The following DDX6 variants were observed in gnomAD, a reference collection of about 807,000 sequenced individuals.
The protein encoded by DDX6 is probable ATP-dependent RNA helicase DDX6.
DDX6 carries 7 observed loss-of-function variants against 60.6 expected under a neutral mutation model. The observed-to-expected ratio is 0.12, with a 90% CI of 0.07 to 0.22. The LOEUF (loss-of-function observed/expected upper bound fraction) is 0.22. DDX6 is among the 10% of genes least tolerant of loss of function. The pLI is 1.00. For missense variants in DDX6, 270 were observed against 589.9 expected (o/e 0.46, Z 5.62); for synonymous variants, 207 against 201.0 (o/e 1.03, Z -0.25).
At chr11:118,782,084 G>C (rs1433625287) in intron 2 of DDX6, among the ~76,000 whole-genome samples, 1 of 151,996 alleles carries the variant, frequency 6.6e-6, no homozygotes, top group Non-Finnish European at 1.5e-5. Context: ...ATGGTGGCAT[G>C]TGCCTGTAAT....
intron 10 of DDX6, 68 bp downstream of exon 10, chr11:118,757,101 AAG>A: frequency 1.2e-6 from 1 of 850,444 alleles, no homozygotes; most frequent in Non-Finnish European, 1.7e-6. Flanking sequence ...GGACATTTAA[AAG>A]AACATTAAAA....
At chr11:118,785,461 T>A (rs923742008) in intron 2 of DDX6, among the ~76,000 whole-genome samples, 1 of 151,528 alleles carries the variant, frequency 6.6e-6, no homozygotes, top group Non-Finnish European at 1.5e-5. Context: ...CACATTGGCC[T>A]CCCCAAAGTA....
intron 3 of DDX6, 74 bp from the exon 4 acceptor site, chr11:118,779,810 T>C (rs1305051756): frequency 3.4e-6 from 4 of 1,185,206 alleles, no homozygotes; most frequent in Non-Finnish European, 4.8e-6. Flanking sequence ...GGTAAATTTA[T>C]CTGTGTTTAA....
At chr11:118,764,037 C>T (rs926302046) in intron 6 of DDX6, among the ~76,000 whole-genome samples, 11 of 152,166 alleles carry the variant, frequency 7.2e-5, no homozygotes, top group African/African-American at 2.6e-4. Flanking sequence ...AGTAGGCATA[C>T]TTTCTTGTCT....
intron 4 of DDX6, among the ~76,000 whole-genome samples, chr11:118,769,552 T>C (rs905031806): frequency 1.3e-5 from 2 of 152,032 alleles, no homozygotes; most frequent in Admixed American, 6.6e-5. Flanking sequence ...AATAGACATA[T>C]ACAAAGAGAG....
intron 6 of DDX6, 107 bp downstream of exon 6, chr11:118,765,102 C>T (rs972636571): frequency 1.5e-6 from 2 of 1,298,844 alleles, no homozygotes; most frequent in South Asian, 1.4e-5. Context: ...TTTCTTACTG[C>T]AGTATTTCTG....
At chr11:118,782,690 C>T (rs1160789978) in intron 2 of DDX6, among the ~76,000 whole-genome samples, 1 of 148,712 alleles carries the variant, frequency 6.7e-6, no homozygotes. Context: ...GTCACCCAGG[C>T]TAGAGTGCAG....
rs184338362 is a variant in DDX6 at position 118,771,436 on chromosome 11, G to A, written c.370-3084C>T. On this transcript the variant is annotated intron_variant, in intron 4 of 13. Coordinates refer to ENST00000534980, the MANE Select transcript of DDX6 (RefSeq NM_004397.6). ...ACAAAGTACATGTGATAGACTGTAAGTTAAGACACCCTGATATTTTGCCTT... is the reference window on the plus strand; with the variant it reads ...ACAAAGTACATGTGATAGACTGTAAATTAAGACACCCTGATATTTTGCCTT... Among the ~76,000 whole-genome samples, 9 of 152,284 alleles carry A rather than the reference G, an allele frequency of 5.9e-5. No individual in the cohort carries two copies. The East Asian group carries it at 1.7e-3, about 29-fold the overall frequency.
At chr11:118,756,023 C>T (rs1352560784) in intron 11 of DDX6, among the ~76,000 whole-genome samples, 5 of 129,024 alleles carry the variant, frequency 3.9e-5, no homozygotes, top group Admixed American at 7.5e-5. Context: ...CCCTCCCCCC[C>T]CCCCCCAAAA....
Position 118,748,873 on chromosome 11 carries a change from C to T in DDX6, c.*3232G>A, listed in dbSNP as rs1240442994. The T allele has an allele frequency of 5.9e-5, 9 of 152,096 alleles. No homozygotes were observed. Among genetic ancestry groups the T allele is most frequent in the African/African-American group, 1.9e-4 (8 of 41,402 alleles). 9.4% of individuals were successfully genotyped at this position (152,096 alleles called of 1,614,324 possible). A position where few individuals can be genotyped will look rare whatever the true frequency, so the allele number is the denominator to read the frequency against. On this transcript the variant is annotated 3_prime_UTR_variant, in exon 14 of 14. Transcript: ENST00000534980. ...GCATGATGTTATCAAGCACAAAGCA[C>T]GTGGCAAAGGAAAGATGCTCCCATC... is the stretch of plus-strand genomic sequence containing the variant.
In DDX6 at chr11:118,789,440, A is replaced by T. The variant is rs181463526; in HGVS notation, c.-268+1658T>A. ...CGAGTGCTGATTCTTTCTGCCATAC[A>T]CCAAGGCATGTGAAACTCAAAATTT... On this transcript the variant is annotated intron_variant, in intron 1 of 13. Coordinates refer to ENST00000534980, the MANE Select transcript of DDX6 (RefSeq NM_004397.6). The T allele has an allele frequency of 5.3e-5, 8 of 152,196 alleles. No individual in the cohort carries two copies. The East Asian group carries it at 1.3e-3, about 26-fold the overall frequency. The allele number at this position is 152,196 out of a possible 1,614,324, so 9.4% of individuals were successfully genotyped here.
chr11:118,783,839 G>T (rs1591925066), intron 2 of DDX6, among the ~76,000 whole-genome samples: 1 of 82,302 alleles, frequency 1.2e-5, no homozygotes, highest in East Asian at 5.0e-4. Context: ...AAATAGGCTG[G>T]GCGCAGTGGC....
intron 2 of DDX6, among the ~76,000 whole-genome samples, chr11:118,782,200 G>A (rs1252772580): frequency 6.6e-6 from 1 of 152,070 alleles, no homozygotes; most frequent in African/African-American, 2.4e-5. Context: ...AACAAAATAG[G>A]TTAACAGTTA....
chr11:118,773,940 G>T (rs17122435), intron 4 of DDX6, among the ~76,000 whole-genome samples: 3 of 151,372 alleles, frequency 2.0e-5, no homozygotes, highest in African/African-American at 7.3e-5. Flanking sequence ...ATGATAAACC[G>T]ATTGTTAGCA....
chr11:118,757,323 A>G, intron 9 of DDX6, 36 bp from the exon 10 acceptor site: 2 of 1,225,454 alleles, frequency 1.6e-6, no homozygotes, highest in Non-Finnish European at 1.1e-6. Flanking sequence ...AGAAAAATAA[A>G]AAAAACCTTC....
chr11:118,788,316 AG>A (rs11366196), intron 1 of DDX6: 152,565 of 152,674 alleles, frequency 1, 76,228 homozygotes, highest in Middle Eastern at 1. Context: ...AAACAAACAA[AG>A]CAAACAAACA....
rs1555158525 is a variant in DDX6, at chr11:118,755,492, G to T, written c.1186C>A (p.Arg396=). 1.3e-6 allele frequency: 2 copies of T among 1,585,568 alleles called. No homozygotes were observed. The highest frequency in any genetic ancestry group is 1.7e-5 in the Admixed American group (1 of 59,064). Residue 396 remains arginine, a synonymous_variant, in exon 12 of 14, where the codon CGA becomes AGA. Transcript: ENST00000534980. ...TTCACAGCTTGTATATCAATACCTC[G>T]GGTAAACAGATCTTAAAAAAAAAAA... ...RNLVCTDLFT[R]GIDIQAVNVV... is the part of the protein sequence containing the mutation.
chr11:118,766,344 G>C (rs1668290241), intron 5 of DDX6, among the ~76,000 whole-genome samples: 1 of 152,084 alleles, frequency 6.6e-6, no homozygotes, highest in African/African-American at 2.4e-5. Flanking sequence ...TGAGGCAGGA[G>C]GATCACATCA....
rs552888726 is a variant in DDX6, at chr11:118,778,869, C to T, written c.369+763G>A. On this transcript the variant is annotated intron_variant, in intron 4 of 13. Coordinates refer to ENST00000534980, the MANE Select transcript of DDX6 (RefSeq NM_004397.6). ...TTGGGAATATCACAAAATCCCAAAA[C>T]GGGAAATGTACTATTAATAAAAAAA... Among the ~76,000 whole-genome samples, 7 of 152,040 alleles carry T rather than the reference C, an allele frequency of 4.6e-5. No homozygotes were observed. In the East Asian group the frequency reaches 5.8e-4, roughly 13 times the overall value.
Sources: allele counts gnomAD v4.1 joint callset (sites outside exome capture counted in the v4.1 genomes callset), GRCh38; gene constraint gnomAD v4.1.1; transcripts MANE v1.5; gene names NCBI Gene and HGNC (gene_info 2026-07-23, HGNC 2026-07-21).